Variants in CFAP61 observed in about 807,000 individuals in gnomAD.
CFAP61 encodes the protein cilia- and flagella-associated protein 61.
In CFAP61, 107 loss-of-function variants were observed where a neutral mutation model predicts 135.6. The ratio of observed to expected loss-of-function variants is 0.79; its 90% CI spans 0.67 to 0.93. CFAP61 has a LOEUF of 0.93. Ranked by LOEUF, CFAP61 falls within the 40% of genes least tolerant of loss-of-function variation. CFAP61 has a pLI of 0.00. For missense variants in CFAP61, 1,507 were observed against 1,556.2 expected (o/e 0.97, Z 0.53); for synonymous variants, 575 against 578.5 (o/e 0.99, Z 0.09).
At chr20:20,284,548 G>A (rs985901632) in intron 22 of CFAP61, among the ~76,000 whole-genome samples, 2 of 152,156 alleles carry the variant, frequency 1.3e-5, no homozygotes, top group Non-Finnish European at 2.9e-5. Context: ...GCCTCCCAAA[G>A]TGTTGGGATT....
At chr20:20,109,262 A>C (rs927785217) in intron 8 of CFAP61, among the ~76,000 whole-genome samples, 5 of 152,184 alleles carry the variant, frequency 3.3e-5, no homozygotes, top group African/African-American at 1.2e-4. Flanking sequence ...ATTTTCACTT[A>C]TCCCAGTCTG....
At chr20:20,244,536 C>T (rs1269045231) in intron 18 of CFAP61, among the ~76,000 whole-genome samples, 1 of 152,150 alleles carries the variant, frequency 6.6e-6, no homozygotes, top group Non-Finnish European at 1.5e-5. Flanking sequence ...TGCAGGGCAC[C>T]AAGTCCCTAC....
At chr20:20,055,818 TTTTGAG>T in intron 1 of CFAP61, 3 of 693,934 alleles carry the variant, frequency 4.3e-6, no homozygotes, top group African/African-American at 1.9e-5. Flanking sequence ...GTTTTCCCTG[TTTTGAG>T]CTCACTGGCT....
Position 20,359,543 on chromosome 20 carries a change from A to T in CFAP61, c.3514-667A>T, listed in dbSNP as rs915194898. On this transcript the variant is annotated intron_variant, in intron 26 of 26. Transcript: ENST00000245957. The surrounding 1 kb of genome is among the most constrained non-coding windows in gnomAD (Gnocchi z 4.0). Reference sequence around the variant, plus strand: ...GCCAGGCATGGTGGGCCATGCCTGTAGTCCCAGCTACTTGGGAGGCTGAGG... The same window carrying T: ...GCCAGGCATGGTGGGCCATGCCTGTTGTCCCAGCTACTTGGGAGGCTGAGG... 1.3e-5 allele frequency among the ~76,000 whole-genome samples: 2 copies of T among 152,104 alleles called. No individual in the cohort carries two copies. Among genetic ancestry groups the T allele is most frequent in the Non-Finnish European group, 1.5e-5 (1 of 68,032 alleles).
intron 8 of CFAP61, among the ~76,000 whole-genome samples, chr20:20,139,764 T>C (rs970974600): frequency 6.6e-6 from 1 of 152,206 alleles, no homozygotes; most frequent in Non-Finnish European, 1.5e-5. Flanking sequence ...TCTTTGTAGT[T>C]GGTAACTGTC....
chr20:20,137,070 A>G (rs189825089), intron 8 of CFAP61, among the ~76,000 whole-genome samples: 92 of 152,312 alleles, frequency 6.0e-4, no homozygotes, highest in Non-Finnish European at 4.4e-4. Flanking sequence ...TACCAGGCAG[A>G]GACTCTTATT....
rs149422551 is a variant in CFAP61, at chr20:20,085,229, C to T, written c.567-5615C>T. ...CTTGCATCCTGACTTTGACAGGCAG[C>T]GCTCATTGCCTCAGAACAGTCACGT... On this transcript the variant is annotated intron_variant, in intron 6 of 26. Transcript: ENST00000245957. 1.1e-4 allele frequency: 109 copies of T among 985,408 alleles called. 1 individual carries two copies. Among genetic ancestry groups the T allele is most frequent in the Middle Eastern group, 5.2e-4 (1 of 1,914 alleles). The allele number at this position is 985,408 out of a possible 1,614,324, so 61.0% of individuals were successfully genotyped here. A position where few individuals can be genotyped will look rare whatever the true frequency, so the allele number is the denominator to read the frequency against.
chr20:20,080,434 G>A (rs2046354190), intron 6 of CFAP61, among the ~76,000 whole-genome samples: 1 of 150,792 alleles, frequency 6.6e-6, no homozygotes, highest in Non-Finnish European at 1.5e-5. Context: ...TTTAATTTAA[G>A]TTGTTTCCTG....
chr20:20,161,784 T>C (rs2053422960), intron 10 of CFAP61, among the ~76,000 whole-genome samples: 1 of 152,210 alleles, frequency 6.6e-6, no homozygotes, highest in Admixed American at 6.5e-5. Context: ...CTGTGCTGCA[T>C]GGGCGTTGTA....
chr20:20,062,514 G>A (rs746381029), intron 2 of CFAP61, among the ~76,000 whole-genome samples: 2 of 151,900 alleles, frequency 1.3e-5, no homozygotes, highest in Admixed American at 6.6e-5. Flanking sequence ...AAGGACAAGA[G>A]CGCATATTAA....
At chr20:20,069,795 C>T in intron 2 of CFAP61, 1 of 455,616 alleles carries the variant, frequency 2.2e-6, no homozygotes, top group South Asian at 1.6e-5. Context: ...GTGATAAAAA[C>T]ATAACTGGAA....
At chr20:20,067,649 A>G (rs1462835454) in intron 2 of CFAP61, among the ~76,000 whole-genome samples, 5 of 137,448 alleles carry the variant, frequency 3.6e-5, no homozygotes, top group Non-Finnish European at 7.6e-5. Context: ...CTCAAAATAT[A>G]TATATATATA....
chr20:20,063,978 T>TA (rs948503815), intron 2 of CFAP61, among the ~76,000 whole-genome samples: 6 of 150,660 alleles, frequency 4.0e-5, no homozygotes, highest in African/African-American at 1.5e-4. Context: ...CTAAGCTCAT[T>TA]ATGGGGTAAA....
intron 8 of CFAP61, among the ~76,000 whole-genome samples, chr20:20,100,043 A>G (rs372098861): frequency 6.6e-6 from 1 of 152,154 alleles, no homozygotes; most frequent in South Asian, 2.1e-4. Flanking sequence ...CTTGCTTGCC[A>G]TGCTTCCCAG....
intron 9 of CFAP61, among the ~76,000 whole-genome samples, chr20:20,149,534 C>A (rs1257205889): frequency 2.0e-5 from 3 of 152,170 alleles, no homozygotes; most frequent in African/African-American, 7.2e-5. Context: ...TGTGAATTCC[C>A]AAAGTGTGAG....
intron 25 of CFAP61, among the ~76,000 whole-genome samples, chr20:20,320,795 A>G (rs1490222733): frequency 6.6e-6 from 1 of 151,506 alleles, no homozygotes; most frequent in African/African-American, 2.4e-5. Flanking sequence ...GTTGTAAACT[A>G]AGAAGGAGTA....
intron 8 of CFAP61, among the ~76,000 whole-genome samples, chr20:20,106,001 T>TATACATAC (rs1491391097): frequency 5.7e-4 from 4 of 6,986 alleles, no homozygotes; most frequent in South Asian, 0.012. Context: ...TACTCTTGCC[T>TATACATAC]ATATATATAT....
chr20:20,099,302 C>T (rs767091333), intron 8 of CFAP61, among the ~76,000 whole-genome samples: 2 of 152,146 alleles, frequency 1.3e-5, no homozygotes, highest in Non-Finnish European at 2.9e-5. Context: ...TCATTTTTAA[C>T]TTGCTTAAGT....
At chr20:20,290,718 C>T (rs2054941218) in intron 24 of CFAP61, among the ~76,000 whole-genome samples, 2 of 152,212 alleles carry the variant, frequency 1.3e-5, no homozygotes, top group Non-Finnish European at 2.9e-5. Context: ...TGCTGCCATG[C>T]TGTAGGGACG....
Sources: allele counts gnomAD v4.1 joint callset (sites outside exome capture counted in the v4.1 genomes callset), GRCh38; gene constraint gnomAD v4.1.1; non-coding constraint Gnocchi (gnomAD v3.1); transcripts MANE v1.5; gene names NCBI Gene and HGNC (gene_info 2026-07-23, HGNC 2026-07-21).